QKI: variants seen among roughly 807,000 people sequenced by gnomAD.
The protein encoded by QKI is KH domain-containing RNA-binding protein QKI.
A neutral mutation model predicts 39.0 loss-of-function variants in QKI; 10 were observed. That is an observed-to-expected ratio of 0.26 (90% CI 0.16 to 0.43). The LOEUF (loss-of-function observed/expected upper bound fraction) is 0.43, where lower values mean the gene tolerates loss of function less well. Among genes scored for constraint, QKI ranks in the 20% least tolerant of loss-of-function variants. QKI has a pLI of 1.00. For missense variants in QKI, 218 were observed against 428.0 expected (o/e 0.51, Z 4.33); for synonymous variants, 204 against 155.4 (o/e 1.31, Z -2.33).
rs1046430137 is a variant in QKI at position 163,572,009 on chromosome 6, T to C, written c.*1299T>C. On this transcript the variant is annotated 3_prime_UTR_variant, in exon 8 of 8. Transcript: ENST00000361752. ...ACAAATGAGTTGATAGTTTGAATTA[T>C]AGGATTTTTGCCACGTTACCTTGAT... 1 of 152,188 alleles carries C rather than the reference T, an allele frequency of 6.6e-6. No homozygotes were observed. Among genetic ancestry groups the C allele is most frequent in the East Asian group, 1.9e-4 (1 of 5,194 alleles). 9.4% of individuals were successfully genotyped at this position (152,188 alleles called of 1,614,324 possible).
intron 1 of QKI, among the ~76,000 whole-genome samples, chr6:163,454,769 G>A (rs1790804440): frequency 6.6e-6 from 1 of 152,134 alleles, no homozygotes; most frequent in Non-Finnish European, 1.5e-5. Flanking sequence ...GACTTCTGCT[G>A]AACTTGCAGT....
chr6:163,479,225 ATTTC>A (rs1161550718), intron 3 of QKI, among the ~76,000 whole-genome samples: 1 of 151,664 alleles, frequency 6.6e-6, no homozygotes, highest in Non-Finnish European at 1.5e-5. Context: ...GGAGGCAGAG[ATTTC>A]AGATTGTGCC....
intron 2 of QKI, among the ~76,000 whole-genome samples, chr6:163,473,150 G>C (rs944878219): frequency 7.2e-5 from 11 of 152,184 alleles, no homozygotes; most frequent in Admixed American, 4.6e-4. Flanking sequence ...CCAGTCAGCT[G>C]TAAGGTCAGT....
intron 4 of QKI, among the ~76,000 whole-genome samples, chr6:163,539,732 T>G (rs926216805): frequency 8.5e-5 from 13 of 152,304 alleles, no homozygotes; most frequent in African/African-American, 3.1e-4. Context: ...ATTTTAAATT[T>G]TATTATTTTA....
chr6:163,493,581 C>T (rs1778205985), intron 3 of QKI, among the ~76,000 whole-genome samples: 1 of 152,134 alleles, frequency 6.6e-6, no homozygotes, highest in South Asian at 2.1e-4. Context: ...TGACTGGGCT[C>T]CATGGCTCAT....
At chr6:163,463,964 C>T (rs2128221355) in intron 2 of QKI, among the ~76,000 whole-genome samples, 1 of 152,198 alleles carries the variant, frequency 6.6e-6, no homozygotes, top group African/African-American at 2.4e-5. Flanking sequence ...TCTTCCTTCC[C>T]ACCAAACATG....
At position 163,577,321 on chromosome 6, in the gene QKI, G is replaced by C. The variant is rs1777636150; in HGVS notation, c.*6611G>C. The C allele has an allele frequency of 6.6e-6, 1 of 151,976 alleles. No individual in the cohort carries two copies. Among genetic ancestry groups the C allele is most frequent in the Non-Finnish European group, 1.5e-5 (1 of 68,004 alleles). 9.4% of individuals were successfully genotyped at this position (151,976 alleles called of 1,614,324 possible). ...CGTCGTGCAGACTAGCAGCCCAAAG[G>C]TGTGTTTGGTTTGGCTTATACGGTG... On this transcript the variant is annotated 3_prime_UTR_variant, in exon 8 of 8. Transcript: ENST00000361752.
At chr6:163,482,193 AAAG>A (rs1342876243) in intron 3 of QKI, among the ~76,000 whole-genome samples, 2 of 152,098 alleles carry the variant, frequency 1.3e-5, no homozygotes, top group African/African-American at 4.8e-5. Context: ...TCGGGGGAAA[AAAG>A]AAAAAGAAAC....
chr6:163,516,507 A>T (rs1583144264), intron 3 of QKI, among the ~76,000 whole-genome samples: 1 of 151,910 alleles, frequency 6.6e-6, no homozygotes, highest in Non-Finnish European at 1.5e-5. Flanking sequence ...GTTGGCCAGG[A>T]TGGTCTTGAT....
chr6:163,437,602 A>G (rs989044849), intron 1 of QKI, among the ~76,000 whole-genome samples: 3 of 152,202 alleles, frequency 2.0e-5, no homozygotes, highest in Admixed American at 2.0e-4. Flanking sequence ...TTTTAGAATC[A>G]TGTGTTGAAC....
Position 163,575,630 on chromosome 6 carries a change from C to T in QKI, c.*4920C>T, listed in dbSNP as rs1479505972. The T allele has an allele frequency of 6.6e-6, 1 of 152,128 alleles. No homozygotes were observed. The highest frequency in any genetic ancestry group is 1.5e-5 in the Non-Finnish European group (1 of 68,018). The allele number at this position is 152,128 out of a possible 1,614,324, so 9.4% of individuals were successfully genotyped here. A position where few individuals can be genotyped will look rare whatever the true frequency, so the allele number is the denominator to read the frequency against. On this transcript the variant is annotated 3_prime_UTR_variant, in exon 8 of 8. Coordinates refer to ENST00000361752, the MANE Select transcript of QKI (RefSeq NM_006775.3). ...TGCAGTAGCTCCAGGTGTAAGAGGT[C>T]ACGAAGGCACCCTGCCCATAAAACC... is the stretch of plus-strand genomic sequence containing the variant.
chr6:163,563,750 A>G, intron 6 of QKI, 31 bp downstream of exon 6: 9 of 1,574,492 alleles, frequency 5.7e-6, no homozygotes, highest in Non-Finnish European at 7.8e-6. Flanking sequence ...GGTTAACAAC[A>G]TTCTCTTTAT....
chr6:163,499,336 GCTAAT>G (rs1052537236), intron 3 of QKI, among the ~76,000 whole-genome samples: 1 of 152,116 alleles, frequency 6.6e-6, no homozygotes, highest in Non-Finnish European at 1.5e-5. Context: ...ATAAACCAAA[GCTAAT>G]CTAGACACAG....
intron 1 of QKI, among the ~76,000 whole-genome samples, chr6:163,420,149 CTTTTCTTTTTTTTTTT>C (rs1787870161): frequency 3.2e-5 from 2 of 62,360 alleles, no homozygotes; most frequent in Non-Finnish European, 7.4e-5. Flanking sequence ...CTTTTCTTTT[CTTTTCTTTTTTTTTTT>C]TTTTTTTGGT....
intron 4 of QKI, among the ~76,000 whole-genome samples, chr6:163,545,499 C>G (rs1781809930): frequency 6.6e-6 from 1 of 152,128 alleles, no homozygotes; most frequent in Admixed American, 6.6e-5. Flanking sequence ...TGCTTACCGT[C>G]TGTCCAGCCG....
chr6:163,439,078 G>C (rs1293642375), intron 1 of QKI, among the ~76,000 whole-genome samples: 2 of 152,130 alleles, frequency 1.3e-5, no homozygotes, highest in African/African-American at 4.8e-5. Flanking sequence ...ACAGGGTCCA[G>C]ATCATCAGTT....
At chr6:163,561,663 A>G (rs1583225013) in intron 4 of QKI, among the ~76,000 whole-genome samples, 1 of 152,152 alleles carries the variant, frequency 6.6e-6, no homozygotes, top group Admixed American at 6.5e-5. Context: ...TGAAGAGAAT[A>G]TGTTATGTTT....
intron 3 of QKI, among the ~76,000 whole-genome samples, chr6:163,518,883 A>T (rs1214774485): frequency 6.6e-6 from 1 of 152,204 alleles, no homozygotes; most frequent in Non-Finnish European, 1.5e-5. Flanking sequence ...TTTGGCAAGA[A>T]TACCTGTGAG....
At chr6:163,545,468 T>C (rs543874501) in intron 4 of QKI, among the ~76,000 whole-genome samples, 2 of 152,252 alleles carry the variant, frequency 1.3e-5, no homozygotes, top group African/African-American at 2.4e-5. Context: ...ATCTAAATCA[T>C]TGAGCAGCTA....
Sources: gnomAD v4.1 joint callset for allele counts (sites outside exome capture counted in the v4.1 genomes callset) on GRCh38, gnomAD v4.1.1 for gene constraint, MANE v1.5 for transcripts, NCBI Gene and HGNC (gene_info 2026-07-23, HGNC 2026-07-21) for gene names.